The following NLGN1 variants were observed in gnomAD, a reference collection of about 807,000 sequenced individuals.
NLGN1 encodes the protein neuroligin 1.
NLGN1 carries 12 observed loss-of-function variants against 65.5 expected under a neutral mutation model. The ratio of observed to expected loss-of-function variants is 0.18; its 90% CI spans 0.12 to 0.30. The LOEUF is 0.30. Among genes scored for constraint, NLGN1 ranks in the 10% least tolerant of loss-of-function variants. NLGN1 has a pLI of 1.00. For missense variants in NLGN1, 750 were observed against 1,007.1 expected, an observed-to-expected ratio of 0.74 and a Z score of 3.46; for synonymous variants, 350 against 359.5, an observed-to-expected ratio of 0.97 and a Z score of 0.30.
At chr3:173,678,082 A>T (rs1251454409) in intron 3 of NLGN1, among the ~76,000 whole-genome samples, 1 of 152,102 alleles carries the variant, frequency 6.6e-6, no homozygotes, top group Non-Finnish European at 1.5e-5. Flanking sequence ...GGAAGCATTT[A>T]TGGGATCCAC....
At chr3:173,936,876 T>C (rs943046717) in intron 4 of NLGN1, among the ~76,000 whole-genome samples, 3 of 152,062 alleles carry the variant, frequency 2.0e-5, no homozygotes, top group African/African-American at 7.2e-5. Context: ...TTTTATTGTA[T>C]CTGTATTGGG....
intron 4 of NLGN1, among the ~76,000 whole-genome samples, chr3:173,948,590 A>G (rs1048940168): frequency 3.3e-5 from 5 of 152,224 alleles, no homozygotes; most frequent in Non-Finnish European, 5.9e-5. Flanking sequence ...GTGAGAGGCA[A>G]CAGAGTCTAG....
intron 4 of NLGN1, among the ~76,000 whole-genome samples, chr3:174,272,665 G>GGATGGATAGATAGATAGATAGATA: frequency 8.6e-6 from 1 of 116,546 alleles, no homozygotes; most frequent in Non-Finnish European, 1.9e-5. Flanking sequence ...ATGGATGGAT[G>GGATGGATAGATAGATAGATAGATA]GATAGATAGA....
At position 173,899,340 on chromosome 3, in the gene NLGN1, A is replaced by T. The variant is rs113090789; in HGVS notation, c.646+91508A>T. On this transcript the variant is annotated intron_variant, in intron 4 of 6. Transcript: ENST00000457714. Reference sequence around the variant, plus strand: ...AAAATTTTTCAGACTGACTTGCATTAGTCGACTATACTAAATGTTTTTAAG... The same window carrying T: ...AAAATTTTTCAGACTGACTTGCATTTGTCGACTATACTAAATGTTTTTAAG... 6.6e-3 allele frequency among the ~76,000 whole-genome samples: 1,008 copies of T among 152,266 alleles called. 6 individuals are homozygous for T. The highest frequency in any genetic ancestry group is 0.012 in the Non-Finnish European group (824 of 67,976).
intron 2 of NLGN1, among the ~76,000 whole-genome samples, chr3:173,444,837 T>G (rs1452107905): frequency 1.3e-5 from 2 of 152,066 alleles, no homozygotes; most frequent in Non-Finnish European, 2.9e-5. Flanking sequence ...GTTGTGTGTG[T>G]TTGTATATAT....
At chr3:174,194,199 C>G (rs1732926809) in intron 4 of NLGN1, among the ~76,000 whole-genome samples, 1 of 151,986 alleles carries the variant, frequency 6.6e-6, no homozygotes, top group African/African-American at 2.4e-5. Flanking sequence ...TGGCTCACAC[C>G]TGTAATCCCA....
intron 3 of NLGN1, among the ~76,000 whole-genome samples, chr3:173,772,834 A>G (rs1779773273): frequency 6.6e-6 from 1 of 151,990 alleles, no homozygotes; most frequent in Non-Finnish European, 1.5e-5. Context: ...GTTCTTTCCT[A>G]GGCTGCCAGA....
intron 2 of NLGN1, among the ~76,000 whole-genome samples, chr3:173,438,104 C>T (rs1224974646): frequency 6.6e-6 from 1 of 151,974 alleles, no homozygotes; most frequent in Non-Finnish European, 1.5e-5. Context: ...AGCAGATAGA[C>T]ATGAATATAT....
At chr3:173,549,182 G>C (rs910328382) in intron 2 of NLGN1, among the ~76,000 whole-genome samples, 3 of 151,754 alleles carry the variant, frequency 2.0e-5, no homozygotes, top group African/African-American at 7.2e-5. Flanking sequence ...CACACAACTA[G>C]ATAACAAATC....
chr3:174,270,955 A>G (rs1487341641), intron 4 of NLGN1, among the ~76,000 whole-genome samples: 1 of 151,856 alleles, frequency 6.6e-6, no homozygotes, highest in Non-Finnish European at 1.5e-5. Context: ...TCTCACTATC[A>G]TTCAGAGTCT....
At chr3:173,981,602 T>A (rs1277513568) in intron 4 of NLGN1, among the ~76,000 whole-genome samples, 1 of 152,162 alleles carries the variant, frequency 6.6e-6, no homozygotes, top group East Asian at 1.9e-4. Context: ...TTTCTTGTAT[T>A]GCTATGTAAG....
chr3:173,883,934 T>A (rs768421423), intron 4 of NLGN1, among the ~76,000 whole-genome samples: 31 of 151,858 alleles, frequency 2.0e-4, no homozygotes, highest in Non-Finnish European at 3.7e-4. Context: ...AAATTGTCGT[T>A]CTAGCATTTT....
intron 4 of NLGN1, among the ~76,000 whole-genome samples, chr3:173,839,412 T>C (rs1016301112): frequency 2.6e-5 from 4 of 151,476 alleles, no homozygotes; most frequent in Non-Finnish European, 4.4e-5. Context: ...TTTGTTTTTT[T>C]GTTTGTTTTG....
chr3:174,192,340 G>A (rs1018963964), intron 4 of NLGN1, among the ~76,000 whole-genome samples: 2 of 151,996 alleles, frequency 1.3e-5, no homozygotes, highest in Admixed American at 6.6e-5. Context: ...GATTTTTTGC[G>A]TGCTTGATGG....
chr3:174,156,137 C>T (rs1349839134), intron 4 of NLGN1, among the ~76,000 whole-genome samples: 1 of 151,914 alleles, frequency 6.6e-6, no homozygotes, highest in Non-Finnish European at 1.5e-5. Flanking sequence ...CATATAACAT[C>T]ACGCCCTGCT....
chr3:173,977,107 GCACA>G (rs921505579), intron 4 of NLGN1, among the ~76,000 whole-genome samples: 9 of 120,326 alleles, frequency 7.5e-5, no homozygotes, highest in African/African-American at 2.4e-4. Context: ...ACACACACAC[GCACA>G]CACACACACA....
At chr3:173,565,214 A>C (rs1316797753) in intron 2 of NLGN1, among the ~76,000 whole-genome samples, 3 of 152,200 alleles carry the variant, frequency 2.0e-5, no homozygotes, top group Non-Finnish European at 4.4e-5. Flanking sequence ...GTGAAAATAC[A>C]AGACAGTAGT....
intron 4 of NLGN1, among the ~76,000 whole-genome samples, chr3:174,158,409 G>C (rs1351881088): frequency 6.6e-6 from 1 of 151,700 alleles, no homozygotes; most frequent in Non-Finnish European, 1.5e-5. Flanking sequence ...ATAAATCTGG[G>C]TGAAAGAAGA....
At chr3:173,628,596 C>T (rs1755165706) in intron 3 of NLGN1, among the ~76,000 whole-genome samples, 1 of 151,574 alleles carries the variant, frequency 6.6e-6, no homozygotes, top group South Asian at 2.1e-4. Flanking sequence ...TTAGGCTACA[C>T]CATCTTTTTT....
Sources: allele counts gnomAD v4.1 joint callset (sites outside exome capture counted in the v4.1 genomes callset), GRCh38; gene constraint gnomAD v4.1.1; transcripts MANE v1.5; gene names NCBI Gene and HGNC (gene_info 2026-07-23, HGNC 2026-07-21).